OSBPL10: variants seen among roughly 807,000 people sequenced by gnomAD.
The protein encoded by OSBPL10 is oxysterol binding protein like 10.
Under a neutral mutation model 81.7 loss-of-function variants are expected in OSBPL10, and 49 were observed. The observed-to-expected ratio is 0.60, with a 90% CI of 0.48 to 0.76. OSBPL10 has a LOEUF of 0.76. Among genes scored for constraint, OSBPL10 ranks in the 30% least tolerant of loss-of-function variants. The pLI, the probability that OSBPL10 is intolerant of heterozygous loss-of-function variation, is 0.00. For missense variants in OSBPL10, 923 were observed against 987.8 expected (o/e 0.93, Z 0.88); for synonymous variants, 419 against 383.6 (o/e 1.09, Z -1.08).
At chr3:31,732,936 G>A (rs1300295373) in intron 6 of OSBPL10, 2 of 359,616 alleles carry the variant, frequency 5.6e-6, no homozygotes, top group Non-Finnish European at 1.0e-5. Flanking sequence ...TATTGTAACT[G>A]CTCCCATCAT....
At chr3:31,780,580 TAA>T (rs1698665927) in intron 4 of OSBPL10, among the ~76,000 whole-genome samples, 1 of 145,432 alleles carries the variant, frequency 6.9e-6, no homozygotes, top group African/African-American at 2.5e-5. Flanking sequence ...ACCAAGAAAA[TAA>T]GAGAGAAGAG....
At chr3:31,905,882 C>T (rs1458393997) in intron 1 of OSBPL10, among the ~76,000 whole-genome samples, 1 of 134,394 alleles carries the variant, frequency 7.4e-6, no homozygotes, top group East Asian at 2.3e-4. Context: ...CTATTCCCAT[C>T]ACCTCAAAGA....
chr3:31,761,677 C>T (rs1248356112), intron 4 of OSBPL10, among the ~76,000 whole-genome samples: 2 of 150,854 alleles, frequency 1.3e-5, no homozygotes, highest in African/African-American at 4.9e-5. Flanking sequence ...ATTAGCTGGG[C>T]ATGGTGGCAC....
chr3:31,783,843 T>C (rs1346971797), intron 4 of OSBPL10, among the ~76,000 whole-genome samples: 1 of 103,910 alleles, frequency 9.6e-6, no homozygotes, highest in Non-Finnish European at 1.9e-5. Flanking sequence ...TATATATATA[T>C]ATATATATAT....
chr3:31,952,242 T>C (rs770335782), intron 1 of OSBPL10, among the ~76,000 whole-genome samples: 1 of 151,666 alleles, frequency 6.6e-6, no homozygotes, highest in African/African-American at 2.4e-5. Flanking sequence ...TTAAGAAATA[T>C]GTTTTCTTCA....
chr3:31,977,217 T>G (rs1362554240), intron 1 of OSBPL10, among the ~76,000 whole-genome samples: 3 of 152,140 alleles, frequency 2.0e-5, no homozygotes, highest in African/African-American at 7.2e-5. Context: ...GAGTTATTCT[T>G]GCCCCTCTCT....
chr3:31,939,735 T>C (rs12630254), intron 1 of OSBPL10, among the ~76,000 whole-genome samples: 31,699 of 152,118 alleles, frequency 0.21, 3,868 homozygotes, highest in Non-Finnish European at 0.28. Flanking sequence ...CTCCTGGGTT[T>C]CTTTCTATCT....
intron 1 of OSBPL10, among the ~76,000 whole-genome samples, chr3:31,888,157 CAG>C (rs1206158775): frequency 6.6e-6 from 1 of 152,212 alleles, no homozygotes; most frequent in African/African-American, 2.4e-5. Context: ...ATAGAGAACT[CAG>C]AAATTAATTC....
intron 6 of OSBPL10, among the ~76,000 whole-genome samples, chr3:31,730,103 G>A (rs1006503348): frequency 6.6e-6 from 1 of 152,214 alleles, no homozygotes; most frequent in African/African-American, 2.4e-5. Flanking sequence ...AACACTTTGG[G>A]AGGTCAAGGC....
chr3:32,062,442 G>C lies in OSBPL10; in HGVS notation n.185+14954C>G, dbSNP rs569339187. On this transcript the variant is annotated intron_variant and non_coding_transcript_variant, in intron 1 of 3. Transcript: ENST00000479173. The stretch of plus-strand genomic sequence containing the variant: ...TATGTTTGTATGGCCCAGTATGTTT[G>C]TATGGCTATGGTATGTTTTTATCTG... Among the ~76,000 whole-genome samples the C allele has an allele frequency of 2.1e-5, 2 of 94,270 alleles. 1 individual carries two copies. Among genetic ancestry groups the C allele is most frequent in the South Asian group, 8.0e-4 (2 of 2,498 alleles). The allele number at this position is 94,270 out of a possible 152,430, so 61.8% of individuals were successfully genotyped here. A position where few individuals can be genotyped will look rare whatever the true frequency, so the allele number is the denominator to read the frequency against.
At chr3:31,872,196 C>G (rs1701346372) in intron 3 of OSBPL10, among the ~76,000 whole-genome samples, 1 of 152,148 alleles carries the variant, frequency 6.6e-6, no homozygotes, top group Admixed American at 6.5e-5. Context: ...GTCTGTTTGT[C>G]AGTTTCTGTC....
intron 1 of OSBPL10, among the ~76,000 whole-genome samples, chr3:32,072,994 G>A (rs143416959): frequency 1.6e-4 from 25 of 152,056 alleles, no homozygotes; most frequent in Admixed American, 2.6e-4. Context: ...ACCCCTCACC[G>A]TCCTCAATCT....
At chr3:31,833,946 TA>T (rs1431965295) in intron 3 of OSBPL10, among the ~76,000 whole-genome samples, 10 of 152,332 alleles carry the variant, frequency 6.6e-5, no homozygotes, top group Middle Eastern at 3.4e-3. Context: ...TTACAAGCAG[TA>T]ACTTTGAGTC....
intron 2 of OSBPL10, among the ~76,000 whole-genome samples, chr3:32,009,146 C>CT: frequency 6.6e-6 from 1 of 152,174 alleles, no homozygotes; most frequent in Admixed American, 6.6e-5. Flanking sequence ...CCTAAAGTGA[C>CT]CCTAGTCCTG....
chr3:31,879,929 T>C (rs2125638400), intron 1 of OSBPL10, 99 bp from the exon 2 acceptor site: 5 of 1,258,146 alleles, frequency 4.0e-6, no homozygotes, highest in Non-Finnish European at 5.4e-6. Flanking sequence ...ACATCAAGAC[T>C]CCACATCCAT....
At chr3:31,770,853 C>T (rs555186561) in intron 4 of OSBPL10, among the ~76,000 whole-genome samples, 91 of 152,172 alleles carry the variant, frequency 6.0e-4, no homozygotes, top group Non-Finnish European at 7.1e-4. Context: ...TAATAAAATA[C>T]GAGAAAATAC....
At chr3:31,945,986 C>CTT (rs533808824) in intron 1 of OSBPL10, among the ~76,000 whole-genome samples, 1 of 109,024 alleles carries the variant, frequency 9.2e-6, no homozygotes, top group East Asian at 2.9e-4. Flanking sequence ...TTGGTTTATG[C>CTT]TTTTTTTTTT....
intron 1 of OSBPL10, among the ~76,000 whole-genome samples, chr3:31,964,436 C>T (rs966286518): frequency 1.3e-5 from 2 of 151,946 alleles, no homozygotes; most frequent in African/African-American, 4.8e-5. Context: ...GGATTACAGG[C>T]GTCAGCCATG....
intron 4 of OSBPL10, among the ~76,000 whole-genome samples, chr3:31,756,215 T>C (rs1377826252): frequency 1.3e-5 from 2 of 152,222 alleles, no homozygotes; most frequent in Non-Finnish European, 2.9e-5. Context: ...CAGCGCCCTT[T>C]ACACTCTGAC....
Sources: allele counts gnomAD v4.1 joint callset (sites outside exome capture counted in the v4.1 genomes callset), GRCh38; gene constraint gnomAD v4.1.1; transcripts MANE v1.5; gene names NCBI Gene and HGNC (gene_info 2026-07-23, HGNC 2026-07-21).